The following TEPSIN variants were observed in gnomAD, a reference collection of about 807,000 sequenced individuals.
The protein encoded by TEPSIN is TEPSIN adaptor related protein complex 4 accessory protein.
A neutral mutation model predicts 48.5 loss-of-function variants in TEPSIN; 50 were observed. The ratio of observed to expected loss-of-function variants is 1.03; its 90% CI spans 0.82 to 1.31. The LOEUF is 1.31. TEPSIN is among the 50% of genes most tolerant of loss of function. TEPSIN has a pLI of 0.00. For synonymous variants in TEPSIN, 392 were observed against 358.8 expected, an observed-to-expected ratio of 1.09 and a Z score of -1.05; for missense variants, 838 against 815.9, an observed-to-expected ratio of 1.03 and a Z score of -0.33.
At chr17:81,231,181 CCGCACACA>C in intron 11 of TEPSIN, 1 of 598,030 alleles carries the variant, frequency 1.7e-6, no homozygotes, top group East Asian at 2.8e-5. Flanking sequence ...TGTGTACACA[CCGCACACA>C]TGCACGAGTG....
intron 7 of TEPSIN, 41 bp from the exon 8 acceptor site, chr17:81,232,559 G>A (rs771298866): frequency 9.5e-5 from 143 of 1,502,634 alleles, no homozygotes; most frequent in East Asian, 6.0e-4. Context: ...CGCCCAGTGC[G>A]GCCCCCACCC....
intron 7 of TEPSIN, chr17:81,232,899 C>T (rs139849727): frequency 1.4e-4 from 32 of 235,730 alleles, no homozygotes; most frequent in Admixed American, 6.9e-4. Flanking sequence ...ACCAAAGTGT[C>T]GGCAGGAGCC....
chr17:81,232,606 T>C (rs1285157938), intron 7 of TEPSIN, 88 bp from the exon 8 acceptor site: 13 of 1,261,356 alleles, frequency 1.0e-5, no homozygotes, highest in Non-Finnish European at 1.4e-5. Context: ...ATCGGCTCCC[T>C]GCTCAAGCTT....
intron 8 of TEPSIN, 42 bp from the exon 9 acceptor site, chr17:81,232,063 G>A: frequency 6.3e-7 from 1 of 1,585,696 alleles, no homozygotes; most frequent in Non-Finnish European, 8.6e-7. Context: ...TGGGGCTTCA[G>A]GCCAGCCCCA....
At chr17:81,232,232 A>G in intron 8 of TEPSIN, 83 bp downstream of exon 8, 1 of 1,405,350 alleles carries the variant, frequency 7.1e-7, no homozygotes, top group South Asian at 1.4e-5. Flanking sequence ...AGGCCCTGGG[A>G]TTTGCCTCCG....
In TEPSIN at chr17:81,234,037, G is replaced by T. The variant is rs758269781; in HGVS notation, c.319C>A (p.Pro107Thr). The change falls in exon 5 of 13, where the codon CCC becomes ACC. Residue 107 changes from proline (P) to threonine (T), a missense_variant. Transcript: ENST00000637944. This position sits in a 1 kb window ranked among gnomAD's most constrained non-coding sequence, Gnocchi z 5.4. ...FIQEAAAFAGPPDPLHGNSLY... is the reference protein window; with the variant it reads ...FIQEAAAFAGTPDPLHGNSLY... Reference sequence around the variant, plus strand: ...CTGTTCCCGTGCAGAGGATCTGGGGGCCCTGCAAAAGCTGCAGAACAGAAA... The same window carrying T: ...CTGTTCCCGTGCAGAGGATCTGGGGTCCCTGCAAAAGCTGCAGAACAGAAA... 1 of 1,592,730 alleles carries T rather than the reference G, an allele frequency of 6.3e-7. No individual in the cohort carries two copies. Among genetic ancestry groups the T allele is most frequent in the Non-Finnish European group, 8.5e-7 (1 of 1,173,532 alleles).
In TEPSIN at chr17:81,228,318, A is replaced by G. The variant is rs897641667; in HGVS notation, c.*610T>C. 3.2e-5 allele frequency: 5 copies of G among 154,242 alleles called. No homozygotes were observed. The highest frequency in any genetic ancestry group is 7.2e-5 in the Non-Finnish European group (5 of 69,584). The allele number at this position is 154,242 out of a possible 1,614,324, so 9.6% of individuals were successfully genotyped here. A position where few individuals can be genotyped will look rare whatever the true frequency, so the allele number is the denominator to read the frequency against. On this transcript the variant is annotated 3_prime_UTR_variant, in exon 13 of 13. Transcript: ENST00000637944. ...TGTTTATTCAGAAAGCATAAACCCC[A>G]GCGCTCTTGGAAGGTTTTTCTGAGA...
chr17:81,238,821 G>T, intron 1 of TEPSIN, 165 bp downstream of exon 1: 1 of 1,331,936 alleles, frequency 7.5e-7, no homozygotes, highest in Non-Finnish European at 9.6e-7. Flanking sequence ...CCGGGACGGC[G>T]CGGCGGGCGG....
At chr17:81,232,089 GC>G (rs1487458667) in intron 8 of TEPSIN, 68 bp from the exon 9 acceptor site, 3 of 1,545,488 alleles carry the variant, frequency 1.9e-6, no homozygotes, top group Non-Finnish European at 2.6e-6. Context: ...ACCTCCCGGG[GC>G]CCTGGACCAG....
At chr17:81,237,906 G>A (rs1163038151) in intron 1 of TEPSIN, 1 of 911,008 alleles carries the variant, frequency 1.1e-6, no homozygotes, top group East Asian at 1.1e-4. Context: ...CAGCCGCTCA[G>A]CGTGACTAGC....
chr17:81,232,087 G>A (rs2146832655), intron 8 of TEPSIN, 66 bp from the exon 9 acceptor site: 3 of 1,554,814 alleles, frequency 1.9e-6, no homozygotes, highest in African/African-American at 1.4e-5. Flanking sequence ...CCACCTCCCG[G>A]GGCCCTGGAC....
chr17:81,237,297 G>C, intron 2 of TEPSIN, 90 bp downstream of exon 2: 1 of 1,442,424 alleles, frequency 6.9e-7, no homozygotes, highest in Non-Finnish European at 9.6e-7. Context: ...CATCCCCCTA[G>C]GGACAGCAGA....
At chr17:81,237,099 C>G in intron 2 of TEPSIN, 28 bp from the exon 3 acceptor site, 1 of 1,559,736 alleles carries the variant, frequency 6.4e-7, no homozygotes, top group Non-Finnish European at 8.7e-7. Flanking sequence ...TAGGGAAGGG[C>G]GAGATGATGA....
chr17:81,237,425 T>G lies in TEPSIN; in HGVS notation c.83A>C (p.Asp28Ala). 1 of 1,611,778 alleles carries G rather than the reference T, an allele frequency of 6.2e-7. No individual in the cohort carries two copies. Among genetic ancestry groups the G allele is most frequent in the Non-Finnish European group, 8.5e-7 (1 of 1,179,374 alleles). ...PILLKGTSDD[D>A]VPCPGYLFEE... ...AAACAGGTAGCCCGGACACGGGACATCATCATCGGACGTCCCCTTCAGGAG... is the reference window on the plus strand; with the variant it reads ...AAACAGGTAGCCCGGACACGGGACAGCATCATCGGACGTCCCCTTCAGGAG... The change falls in exon 2 of 13, where the codon GAT becomes GCT. Residue 28 changes from aspartate to alanine, a missense_variant. Physicochemically the swap from Asp to Ala is moderately radical, Grantham distance 126. Transcript: ENST00000637944.
chr17:81,233,259 C>G lies in TEPSIN; in HGVS notation c.526+173G>C, dbSNP rs527693625. 42 of 760,594 alleles carry G rather than the reference C, an allele frequency of 5.5e-5. No homozygotes were observed. The highest frequency in any genetic ancestry group is 4.1e-4 in the South Asian group (22 of 54,008). 47.1% of individuals were successfully genotyped at this position (760,594 alleles called of 1,614,324 possible). On this transcript the variant is annotated intron_variant, in intron 7 of 12. Coordinates refer to ENST00000637944, the MANE Select transcript of TEPSIN (RefSeq NM_001363764.2). The surrounding 1 kb of genome is among the most constrained non-coding windows in gnomAD (Gnocchi z 5.8). The stretch of plus-strand genomic sequence containing the variant: ...GCCCTGGCCACACCTGCCCCACCCC[C>G]ACGTCAGCAGCCAGAGAGAGACAGT...
At chr17:81,236,858 A>G (rs1436110121) in intron 3 of TEPSIN, 57 bp from the exon 4 acceptor site, 2 of 1,540,326 alleles carry the variant, frequency 1.3e-6, no homozygotes, top group Non-Finnish European at 1.8e-6. Context: ...CACCCAGGGC[A>G]GGGCCCGGGG....
chr17:81,231,797 A>G (rs1300473533), intron 9 of TEPSIN, 50 bp downstream of exon 9: 1 of 1,607,672 alleles, frequency 6.2e-7, no homozygotes, highest in Non-Finnish European at 8.5e-7. Context: ...GGAGGGGGAC[A>G]GTGTGGTGCC....
In TEPSIN at chr17:81,230,335, T is replaced by C; in HGVS notation, c.1233+209A>G. ...GTAGAGGCCAGTGTACTGTGAGTGCTGCAGAGTTTGGGTGGAAGGCGGGAA... is the reference window on the plus strand; with the variant it reads ...GTAGAGGCCAGTGTACTGTGAGTGCCGCAGAGTTTGGGTGGAAGGCGGGAA... On this transcript the variant is annotated intron_variant, in intron 12 of 12. Coordinates refer to ENST00000637944, the MANE Select transcript of TEPSIN (RefSeq NM_001363764.2). The surrounding 1 kb of genome is among the most constrained non-coding windows in gnomAD (Gnocchi z 4.2). 1 of 525,144 alleles carries C rather than the reference T, an allele frequency of 1.9e-6. No homozygotes were observed. The highest frequency in any genetic ancestry group is 3.2e-6 in the Non-Finnish European group (1 of 317,414). The allele number at this position is 525,144 out of a possible 1,614,324, so 32.5% of individuals were successfully genotyped here.
Position 81,231,844 on chromosome 17 carries a change from C to T in TEPSIN, c.905+3G>A. Reference sequence around the variant, plus strand: ...TCCCACATATCTGGCAGCTCCCGCTCACCTTTCTGCCAGGTCACCCGGCTC... The same window carrying T: ...TCCCACATATCTGGCAGCTCCCGCTTACCTTTCTGCCAGGTCACCCGGCTC... On this transcript the variant is annotated splice_donor_region_variant and intron_variant, in intron 9 of 12. Coordinates refer to ENST00000637944, the MANE Select transcript of TEPSIN (RefSeq NM_001363764.2). The T allele has an allele frequency of 6.2e-7, 1 of 1,612,914 alleles. No individual in the cohort carries two copies. The highest frequency in any genetic ancestry group is 8.5e-7 in the Non-Finnish European group (1 of 1,179,862).
Sources: allele counts gnomAD v4.1 joint callset, GRCh38; gene constraint gnomAD v4.1.1; non-coding constraint Gnocchi (gnomAD v3.1); transcripts MANE v1.5; gene names NCBI Gene and HGNC (gene_info 2026-07-23, HGNC 2026-07-21).